SH3D19: variants seen among roughly 807,000 people sequenced by gnomAD.
SH3D19 encodes SH3 domain-containing protein 19.
Under a neutral mutation model 112.1 loss-of-function variants are expected in SH3D19, and 58 were observed. That is an observed-to-expected ratio of 0.52 (90% CI 0.42 to 0.64). The LOEUF (loss-of-function observed/expected upper bound fraction) is 0.64. Among genes scored for constraint, SH3D19 ranks in the 30% least tolerant of loss-of-function variants. SH3D19 has a pLI of 0.00. For synonymous variants in SH3D19, 391 were observed against 448.5 expected (o/e 0.87, Z 1.62); for missense variants, 1,090 against 1,263.4 (o/e 0.86, Z 2.08).
At chr4:151,279,566 T>A (rs1192284070) in intron 1 of SH3D19, among the ~76,000 whole-genome samples, 1 of 152,198 alleles carries the variant, frequency 6.6e-6, no homozygotes, top group Non-Finnish European at 1.5e-5. Flanking sequence ...TATTTCTTCC[T>A]TAGGTTCTTG....
intron 1 of SH3D19, among the ~76,000 whole-genome samples, chr4:151,303,414 G>C (rs1728643120): frequency 6.6e-6 from 1 of 152,122 alleles, no homozygotes; most frequent in African/African-American, 2.4e-5. Context: ...GGAAAAATAG[G>C]TTTTTAAAAA....
chr4:151,210,353 G>A (rs1371880789), intron 2 of SH3D19, among the ~76,000 whole-genome samples: 9 of 149,496 alleles, frequency 6.0e-5, no homozygotes, highest in Non-Finnish European at 1.2e-4. Context: ...ATGGGAAAAT[G>A]TTTATAAACT....
chr4:151,304,185 G>A (rs1214394682), intron 1 of SH3D19, among the ~76,000 whole-genome samples: 1 of 151,982 alleles, frequency 6.6e-6, no homozygotes, highest in Non-Finnish European at 1.5e-5. Flanking sequence ...CAGAAAAAAT[G>A]GCAGAGTTAA....
chr4:151,122,723 G>A (rs746817896), intron 19 of SH3D19, among the ~76,000 whole-genome samples: 11 of 152,138 alleles, frequency 7.2e-5, no homozygotes, highest in Non-Finnish European at 1.5e-4. Flanking sequence ...ATTTGGAGAT[G>A]AGAAAGTGAG....
intron 1 of SH3D19, among the ~76,000 whole-genome samples, chr4:151,227,079 A>C (rs1257647781): frequency 6.6e-6 from 1 of 152,246 alleles, no homozygotes; most frequent in Non-Finnish European, 1.5e-5. Context: ...AATCCTATGG[A>C]ATATTATCAA....
intron 1 of SH3D19, among the ~76,000 whole-genome samples, chr4:151,242,414 G>T (rs1415788802): frequency 6.6e-6 from 1 of 152,158 alleles, no homozygotes; most frequent in Non-Finnish European, 1.5e-5. Context: ...ATTTTAGAAT[G>T]TGGAAACTGA....
At chr4:151,247,559 T>C (rs1241629129) in intron 1 of SH3D19, among the ~76,000 whole-genome samples, 2 of 152,232 alleles carry the variant, frequency 1.3e-5, no homozygotes, top group Non-Finnish European at 2.9e-5. Context: ...TACAATTGGA[T>C]AATTTTTAGT....
intron 8 of SH3D19, among the ~76,000 whole-genome samples, chr4:151,165,157 T>C (rs1757786711): frequency 6.6e-6 from 1 of 152,096 alleles, no homozygotes; most frequent in Admixed American, 6.5e-5. Context: ...GCCTGACCAA[T>C]GTGGTGAAAC....
At chr4:151,318,941 T>C (rs903562569) in intron 1 of SH3D19, among the ~76,000 whole-genome samples, 1 of 152,228 alleles carries the variant, frequency 6.6e-6, no homozygotes, top group African/African-American at 2.4e-5. Context: ...CTTCCCTAAT[T>C]CTATGGCATA....
At chr4:151,311,227 A>G (rs1729431379) in intron 1 of SH3D19, among the ~76,000 whole-genome samples, 1 of 150,950 alleles carries the variant, frequency 6.6e-6, no homozygotes, top group Non-Finnish European at 1.5e-5. Context: ...CATCTCTACA[A>G]AAAATTATTA....
intron 2 of SH3D19, among the ~76,000 whole-genome samples, chr4:151,215,723 T>C (rs1437595698): frequency 6.6e-6 from 1 of 152,224 alleles, no homozygotes; most frequent in Non-Finnish European, 1.5e-5. Flanking sequence ...CAGAAATGAA[T>C]GCTCTGATTT....
rs1410908979 is a variant in SH3D19 at position 151,159,057 on chromosome 4, T to C, written c.1755+183A>G. ...ACAATGAATTGGCCTAATCTCTCTA[T>C]AGGGACTTTTAACATATTGAACACT... On this transcript the variant is annotated intron_variant, in intron 9 of 19. Transcript: ENST00000604030. Among the ~76,000 whole-genome samples, 5 of 152,316 alleles carry C rather than the reference T, an allele frequency of 3.3e-5. No individual in the cohort carries two copies. The East Asian group carries it at 5.8e-4, about 18-fold the overall frequency.
Position 151,304,052 on chromosome 4 carries a change from A to T in SH3D19, c.112+21189T>A, listed in dbSNP as rs563558302. ...AGGCTGGATTCAAACTCGTAGGCTC[A>T]AGCAATCTTCCCACTTAAGTATCCT... On this transcript the variant is annotated intron_variant, in intron 1 of 19. Coordinates refer to ENST00000604030, the MANE Select transcript of SH3D19 (RefSeq NM_001378122.1). Among the ~76,000 whole-genome samples, 8 of 151,986 alleles carry T rather than the reference A, an allele frequency of 5.3e-5. No individual in the cohort carries two copies. In the South Asian group the frequency reaches 1.7e-3, roughly 32 times the overall value.
intron 1 of SH3D19, among the ~76,000 whole-genome samples, chr4:151,257,479 T>C (rs6846745): frequency 0.36 from 54,459 of 152,096 alleles, 10,846 homozygotes; most frequent in Non-Finnish European, 0.44. Context: ...TCTAACTCTG[T>C]TCATTTTTAC....
chr4:151,178,759 C>T (rs1760355557), intron 4 of SH3D19, among the ~76,000 whole-genome samples: 1 of 152,058 alleles, frequency 6.6e-6, no homozygotes, highest in African/African-American at 2.4e-5. Context: ...TTATGAAAAC[C>T]TCTCTATCTG....
intron 1 of SH3D19, among the ~76,000 whole-genome samples, chr4:151,307,477 C>T (rs1402499795): frequency 1.3e-5 from 2 of 152,254 alleles, no homozygotes; most frequent in African/African-American, 2.4e-5. Context: ...AAGCCACTCG[C>T]GTCTGGGCGC....
At chr4:151,318,063 T>C (rs1351079110) in intron 1 of SH3D19, among the ~76,000 whole-genome samples, 1 of 149,758 alleles carries the variant, frequency 6.7e-6, no homozygotes, top group Non-Finnish European at 1.5e-5. Flanking sequence ...TTTGGGAGGC[T>C]GAGGTGGGCA....
intron 11 of SH3D19, chr4:151,144,263 T>A: frequency 1.9e-6 from 3 of 1,614,132 alleles, no homozygotes; most frequent in Non-Finnish European, 2.5e-6. Context: ...AATATCTTCA[T>A]TGGCAATTCC....
intron 12 of SH3D19, among the ~76,000 whole-genome samples, chr4:151,142,333 C>T (rs1324851467): frequency 6.6e-6 from 1 of 152,112 alleles, no homozygotes; most frequent in African/African-American, 2.4e-5. Flanking sequence ...AAGTGCAGAA[C>T]ACTTTTATCA....
Sources: allele counts gnomAD v4.1 joint callset (sites outside exome capture counted in the v4.1 genomes callset), GRCh38; gene constraint gnomAD v4.1.1; transcripts MANE v1.5; gene names NCBI Gene and HGNC (gene_info 2026-07-23, HGNC 2026-07-21).